HMBOX1: variants seen among roughly 807,000 people sequenced by gnomAD.
HMBOX1 encodes the protein homeobox-containing protein 1.
Under a neutral mutation model 54.5 loss-of-function variants are expected in HMBOX1, and 14 were observed. The ratio of observed to expected loss-of-function variants is 0.26; its 90% confidence interval spans 0.17 to 0.40. The LOEUF is 0.40. HMBOX1 is among the 10% of genes least tolerant of loss of function. The pLI, the probability that HMBOX1 is intolerant of heterozygous loss-of-function variation, is 1.00. For missense variants in HMBOX1, 332 were observed against 514.4 expected, an observed-to-expected ratio of 0.65 and a Z score of 3.43; for synonymous variants, 160 against 181.0, an observed-to-expected ratio of 0.88 and a Z score of 0.93.
rs1162477676 is a variant in HMBOX1 at position 28,960,765 on chromosome 8, C to CTTTTTTTTTTTTTTTTTTTT, written c.-57-3026_-57-3007dup. ...TTATTCTCTTTTTCTTTTTCTTTTT[C>CTTTTTTTTTTTTTTTTTTTT]TTTTTTTTTTTTTTTTTTTTTTTTT... On this transcript the variant is annotated intron_variant, in intron 1 of 9. Coordinates refer to ENST00000287701, the MANE Select transcript of HMBOX1 (RefSeq NM_001135726.3). Among the ~76,000 whole-genome samples the CTTTTTTTTTTTTTTTTTTTT allele has an allele frequency of 2.2e-3, 35 of 16,252 alleles. 1 individual carries two copies. Among genetic ancestry groups the CTTTTTTTTTTTTTTTTTTTT allele is most frequent in the Non-Finnish European group, 3.8e-3 (29 of 7,544 alleles). The allele number at this position is 16,252 out of a possible 152,430, so 10.7% of individuals were successfully genotyped here. A position where few individuals can be genotyped will look rare whatever the true frequency, so the allele number is the denominator to read the frequency against.
chr8:28,907,252 A>G (rs1350965648), intron 1 of HMBOX1, among the ~76,000 whole-genome samples: 2 of 152,182 alleles, frequency 1.3e-5, no homozygotes, highest in Non-Finnish European at 2.9e-5. Context: ...ACCAGAAATA[A>G]TCTAGTTTAT....
intron 1 of HMBOX1, among the ~76,000 whole-genome samples, chr8:28,904,180 A>G (rs567867445): frequency 2.0e-5 from 3 of 152,108 alleles, no homozygotes; most frequent in Non-Finnish European, 2.9e-5. Flanking sequence ...TTTTTTTTAA[A>G]TGGAGGAAGA....
At chr8:28,981,084 A>C (rs548498870) in intron 4 of HMBOX1, among the ~76,000 whole-genome samples, 36 of 152,302 alleles carry the variant, frequency 2.4e-4, no homozygotes, top group African/African-American at 8.2e-4. Flanking sequence ...TCTGTTCTCC[A>C]GACCATGATA....
At chr8:28,921,315 A>G (rs1360780396) in intron 1 of HMBOX1, among the ~76,000 whole-genome samples, 1 of 152,220 alleles carries the variant, frequency 6.6e-6, no homozygotes, top group Non-Finnish European at 1.5e-5. Flanking sequence ...CAGCCTGGGC[A>G]ACAGAGTGAG....
chr8:29,050,050 T>C (rs748985799), intron 9 of HMBOX1, among the ~76,000 whole-genome samples: 1 of 152,270 alleles, frequency 6.6e-6, no homozygotes, highest in Non-Finnish European at 1.5e-5. Flanking sequence ...TTTAGGACTC[T>C]AGTTAATAGC....
At chr8:29,001,869 T>C (rs946829243) in intron 4 of HMBOX1, among the ~76,000 whole-genome samples, 1 of 152,220 alleles carries the variant, frequency 6.6e-6, no homozygotes, top group African/African-American at 2.4e-5. Context: ...TGTACAGCTG[T>C]GGCAACTATG....
intron 9 of HMBOX1, chr8:29,049,483 G>C: frequency 6.9e-7 from 1 of 1,458,014 alleles, no homozygotes; most frequent in Non-Finnish European, 9.1e-7. Flanking sequence ...CCGACGCAGG[G>C]CACGATGGAA....
chr8:28,897,278 G>T (rs1376686940), intron 1 of HMBOX1, among the ~76,000 whole-genome samples: 1 of 151,276 alleles, frequency 6.6e-6, no homozygotes. Flanking sequence ...CCACTGGTCG[G>T]CTAGTTTTTT....
intron 4 of HMBOX1, among the ~76,000 whole-genome samples, chr8:28,993,285 A>T (rs1831271118): frequency 6.6e-6 from 1 of 152,194 alleles, no homozygotes; most frequent in Admixed American, 6.5e-5. Flanking sequence ...GATGATAAAT[A>T]TATTATTCTT....
intron 6 of HMBOX1, among the ~76,000 whole-genome samples, chr8:29,038,071 C>T (rs751754458): frequency 6.6e-6 from 1 of 152,164 alleles, no homozygotes; most frequent in Non-Finnish European, 1.5e-5. Context: ...TTATCCCTTG[C>T]TTGGAGAGTC....
chr8:28,968,408 G>T (rs1187528339), intron 2 of HMBOX1, among the ~76,000 whole-genome samples: 1 of 152,222 alleles, frequency 6.6e-6, no homozygotes, highest in African/African-American at 2.4e-5. Context: ...GGAGAATGAT[G>T]TGTGCTTTTG....
intron 6 of HMBOX1, among the ~76,000 whole-genome samples, chr8:29,033,914 G>A (rs1235128632): frequency 6.6e-6 from 1 of 152,148 alleles, no homozygotes. Flanking sequence ...ACTTATAGAC[G>A]AATTGGAAAA....
chr8:28,928,559 T>G (rs1422356380), intron 1 of HMBOX1, among the ~76,000 whole-genome samples: 2 of 152,192 alleles, frequency 1.3e-5, no homozygotes, highest in African/African-American at 2.4e-5. Flanking sequence ...CCATGCACTC[T>G]CAGGTTCATT....
intron 6 of HMBOX1, among the ~76,000 whole-genome samples, chr8:29,027,866 A>G (rs1802312265): frequency 6.6e-6 from 1 of 152,190 alleles, no homozygotes; most frequent in Non-Finnish European, 1.5e-5. Flanking sequence ...ATGAAGGCAA[A>G]TGAATATCTC....
At chr8:28,928,294 A>C (rs1818902404) in intron 1 of HMBOX1, among the ~76,000 whole-genome samples, 1 of 152,232 alleles carries the variant, frequency 6.6e-6, no homozygotes, top group Admixed American at 6.5e-5. Flanking sequence ...GAAGTTAACC[A>C]GTCTAAGAGA....
intron 1 of HMBOX1, among the ~76,000 whole-genome samples, chr8:28,895,828 T>C (rs953052175): frequency 2.0e-5 from 3 of 152,264 alleles, no homozygotes; most frequent in Non-Finnish European, 2.9e-5. Flanking sequence ...CATTTCTTTC[T>C]ATTAATGTTC....
chr8:29,024,777 C>T (rs899973497), intron 6 of HMBOX1, among the ~76,000 whole-genome samples: 1 of 152,204 alleles, frequency 6.6e-6, no homozygotes, highest in African/African-American at 2.4e-5. Flanking sequence ...AAGGAAGTGA[C>T]TAACCCATAT....
intron 1 of HMBOX1, among the ~76,000 whole-genome samples, chr8:28,910,521 G>A (rs1323574749): frequency 1.3e-5 from 2 of 152,110 alleles, no homozygotes; most frequent in South Asian, 2.1e-4. Flanking sequence ...TATTAGAGTC[G>A]CAGTTTCTTC....
chr8:28,970,556 T>C lies in HMBOX1; in HGVS notation c.500+37T>C. ...TGCTTATTCAGAGTCCCTAAAAATG[T>C]CTGTATTCTTAGATTGTTTTTAAGT... is the stretch of plus-strand genomic sequence containing the variant. On this transcript the variant is annotated intron_variant, in intron 3 of 9. Coordinates refer to ENST00000287701, the MANE Select transcript of HMBOX1 (RefSeq NM_001135726.3). The surrounding 1 kb of genome is among the most constrained non-coding windows in gnomAD (Gnocchi z 4.3). 2 of 1,312,986 alleles carry C rather than the reference T, an allele frequency of 1.5e-6. No individual in the cohort carries two copies. The highest frequency in any genetic ancestry group is 2.1e-6 in the Non-Finnish European group (2 of 950,094). The allele number at this position is 1,312,986 out of a possible 1,614,324, so 81.3% of individuals were successfully genotyped here.
Sources: gnomAD v4.1 joint callset for allele counts (sites outside exome capture counted in the v4.1 genomes callset) on GRCh38, gnomAD v4.1.1 for gene constraint, Gnocchi (gnomAD v3.1) non-coding constraint, MANE v1.5 for transcripts, NCBI Gene and HGNC (gene_info 2026-07-23, HGNC 2026-07-21) for gene names.